TAOK1: variants seen among roughly 807,000 people sequenced by gnomAD.
The protein encoded by TAOK1 is TAO kinase 1.
TAOK1 carries 21 observed loss-of-function variants against 138.3 expected under a neutral mutation model. That is an observed-to-expected ratio of 0.15 (90% CI 0.11 to 0.22). TAOK1 has a LOEUF of 0.22. Ranked by LOEUF, TAOK1 falls within the 10% of genes least tolerant of loss-of-function variation. The pLI is 1.00. For missense variants in TAOK1, 651 were observed against 1,227.7 expected, an observed-to-expected ratio of 0.53 and a Z score of 7.02; for synonymous variants, 361 against 398.4, an observed-to-expected ratio of 0.91 and a Z score of 1.12.
chr17:29,392,180 C>T (rs549463537), intron 1 of TAOK1, among the ~76,000 whole-genome samples: 58 of 152,062 alleles, frequency 3.8e-4, no homozygotes, highest in Non-Finnish European at 6.9e-4. Context: ...GGTGCCACTG[C>T]ACTCCAACCT....
At chr17:29,422,128 A>G (rs1346446388) in intron 1 of TAOK1, among the ~76,000 whole-genome samples, 1 of 151,578 alleles carries the variant, frequency 6.6e-6, no homozygotes, top group Non-Finnish European at 1.5e-5. Context: ...CAATCTCCTG[A>G]CCTCGTGATC....
intron 2 of TAOK1, among the ~76,000 whole-genome samples, chr17:29,461,938 T>C (rs2030541163): frequency 6.6e-6 from 1 of 152,134 alleles, no homozygotes; most frequent in East Asian, 1.9e-4. Flanking sequence ...TTGAATGTAG[T>C]CCAGAATTGA....
chr17:29,482,113 C>T lies in TAOK1; in HGVS notation c.564-84C>T, dbSNP rs1256601607. 4.1e-6 allele frequency: 4 copies of T among 966,090 alleles called. No individual in the cohort carries two copies. In the African/African-American group the frequency reaches 6.7e-5, roughly 16 times the overall value. 59.8% of individuals were successfully genotyped at this position (966,090 alleles called of 1,614,324 possible). On this transcript the variant is annotated intron_variant, in intron 7 of 19. Transcript: ENST00000261716. ...ATTGGCTAGAATTCAAACCAGTGAT[C>T]TCCATGTAGATGACTGTTACATTCT...
At chr17:29,498,670 C>A in intron 12 of TAOK1, 149 bp downstream of exon 12, 1 of 880,490 alleles carries the variant, frequency 1.1e-6, no homozygotes, top group East Asian at 2.7e-5. Flanking sequence ...GTAATCCCAG[C>A]ACTTTGGGAG....
chr17:29,469,819 A>AT (rs562278339), intron 3 of TAOK1, among the ~76,000 whole-genome samples: 30 of 152,128 alleles, frequency 2.0e-4, no homozygotes, highest in Non-Finnish European at 3.5e-4. Flanking sequence ...TAAGGAATAC[A>AT]TTTTTTTGAG....
At chr17:29,536,017 G>A (rs2681182) in intron 19 of TAOK1, among the ~76,000 whole-genome samples, 1 of 152,066 alleles carries the variant, frequency 6.6e-6, no homozygotes, top group Non-Finnish European at 1.5e-5. Flanking sequence ...ATAAGGCCAG[G>A]CACAGTGGCT....
In TAOK1 at chr17:29,531,128, A is replaced by AT. The variant is rs1037939946; in HGVS notation, c.2361+521dup. 4.6e-3 allele frequency among the ~76,000 whole-genome samples: 640 copies of AT among 140,546 alleles called. 4 individuals carry two copies. The highest frequency in any genetic ancestry group is 0.019 in the Middle Eastern group (5 of 268). 92.2% of individuals were successfully genotyped at this position (140,546 alleles called of 152,430 possible). A position where few individuals can be genotyped will look rare whatever the true frequency, so the allele number is the denominator to read the frequency against. On this transcript the variant is annotated intron_variant, in intron 18 of 19. Coordinates refer to ENST00000261716, the MANE Select transcript of TAOK1 (RefSeq NM_020791.4). The stretch of plus-strand genomic sequence containing the variant: ...AGGCGCCTGCCACTATGCCCGGCTA[A>AT]TTTTTTTTTTTTGTATTTTTAGTAG...
intron 2 of TAOK1, among the ~76,000 whole-genome samples, chr17:29,462,971 ATTTGG>A (rs2030566335): frequency 6.6e-6 from 1 of 152,014 alleles, no homozygotes; most frequent in Non-Finnish European, 1.5e-5. Flanking sequence ...CTTATAGTTC[ATTTGG>A]TTCTGTTCTA....
At chr17:29,528,256 G>A (rs2032045293) in intron 17 of TAOK1, among the ~76,000 whole-genome samples, 1 of 152,038 alleles carries the variant, frequency 6.6e-6, no homozygotes, top group Non-Finnish European at 1.5e-5. Flanking sequence ...CACCGTGTTG[G>A]CCAGGCTGGT....
chr17:29,488,576 A>T (rs201304926), intron 8 of TAOK1, among the ~76,000 whole-genome samples: 18 of 145,474 alleles, frequency 1.2e-4, no homozygotes, highest in East Asian at 4.0e-4. Flanking sequence ...ACATCTCAAA[A>T]AATAATAATA....
At chr17:29,520,426 C>G (rs893938080) in intron 16 of TAOK1, among the ~76,000 whole-genome samples, 1 of 150,976 alleles carries the variant, frequency 6.6e-6, no homozygotes, top group African/African-American at 2.4e-5. Context: ...CCTGTCTCTA[C>G]AAATTTTTTT....
rs748595265 is a variant in TAOK1 at position 29,496,579 on chromosome 17, CTTTTTTTTTT to C, written c.999+868_999+877del. Among the ~76,000 whole-genome samples, 177 of 87,898 alleles carry C rather than the reference CTTTTTTTTTT, an allele frequency of 2.0e-3. 5 individuals carry two copies. The South Asian group carries it at 0.071, about 35-fold the overall frequency. 57.7% of individuals were successfully genotyped at this position (87,898 alleles called of 152,430 possible). ...AAACTTGATTTCATTCCATCTACAC[CTTTTTTTTTT>C]TTTTTTTTTTTTTTTAAAGACAGGG... On this transcript the variant is annotated intron_variant, in intron 11 of 19. Transcript: ENST00000261716.
chr17:29,514,996 C>CT lies in TAOK1; in HGVS notation c.1705-2456dup, dbSNP rs1262707699. The stretch of plus-strand genomic sequence containing the variant: ...CCTGGGTCACAGAGTGAAATTCGAT[C>CT]TAAAAAAAAAAAAAAAAAAAAAAAA... On this transcript the variant is annotated intron_variant, in intron 15 of 19. Coordinates refer to ENST00000261716, the MANE Select transcript of TAOK1 (RefSeq NM_020791.4). 156 of 54,920 alleles carry CT rather than the reference C, an allele frequency of 2.8e-3. 1 individual carries two copies. The highest frequency in any genetic ancestry group is 7.8e-3 in the African/African-American group (148 of 18,866). The allele number at this position is 54,920 out of a possible 1,614,324, so 3.4% of individuals were successfully genotyped here. A position where few individuals can be genotyped will look rare whatever the true frequency, so the allele number is the denominator to read the frequency against.
intron 17 of TAOK1, among the ~76,000 whole-genome samples, chr17:29,529,392 C>A (rs2032066104): frequency 6.6e-6 from 1 of 152,040 alleles, no homozygotes; most frequent in African/African-American, 2.4e-5. Context: ...GAGTTTGGAA[C>A]CAGCCTGGGC....
At position 29,534,204 on chromosome 17, in the gene TAOK1, G is replaced by A. The variant is rs2032183582; in HGVS notation, c.2448G>A (p.Gln816=). The A allele has an allele frequency of 6.2e-7, 1 of 1,613,696 alleles. No individual in the cohort carries two copies. Among genetic ancestry groups the A allele is most frequent in the Non-Finnish European group, 8.5e-7 (1 of 1,179,916 alleles). ...AACTGGAGCTGTTGAATGCGTATCA[G>A]AGCAAAATCAAGATGCAAGCTGAGG... ...QQELELLNAY[Q]SKIKMQAEAQ... Residue 816 remains glutamine, a synonymous_variant, in exon 19 of 20, where the codon CAG becomes CAA. Transcript: ENST00000261716.
At chr17:29,458,486 GTTTT>G (rs1244039312) in intron 2 of TAOK1, among the ~76,000 whole-genome samples, 4 of 151,684 alleles carry the variant, frequency 2.6e-5, no homozygotes, top group Non-Finnish European at 5.9e-5. Flanking sequence ...TTTCAATATG[GTTTT>G]TTTTGTTTTG....
chr17:29,397,066 G>A (rs1366791017), intron 1 of TAOK1, among the ~76,000 whole-genome samples: 11 of 150,812 alleles, frequency 7.3e-5, no homozygotes, highest in Admixed American at 6.0e-4. Context: ...AGGCTGAGGC[G>A]GGTGGATCAC....
intron 19 of TAOK1, among the ~76,000 whole-genome samples, 185 bp from the exon 20 acceptor site, chr17:29,542,376 G>A (rs190565805): frequency 2.2e-3 from 329 of 151,966 alleles, no homozygotes; most frequent in African/African-American, 7.6e-3. Flanking sequence ...TTGTACCCCC[G>A]AATATATAAA....
intron 12 of TAOK1, 36 bp downstream of exon 12, chr17:29,498,557 T>A: frequency 1.3e-6 from 2 of 1,599,764 alleles, no homozygotes; most frequent in Non-Finnish European, 1.7e-6. Flanking sequence ...AAATTCAATG[T>A]TGGTAAACTG....
Sources: gnomAD v4.1 joint callset for allele counts (sites outside exome capture counted in the v4.1 genomes callset) on GRCh38, gnomAD v4.1.1 for gene constraint, MANE v1.5 for transcripts, NCBI Gene and HGNC (gene_info 2026-07-23, HGNC 2026-07-21) for gene names.